Variants in SMAD5 observed in about 807,000 individuals in gnomAD.
SMAD5 encodes SMAD family member 5, also known as MAD, mothers against decapentaplegic homolog 5.
In SMAD5, 9 loss-of-function variants were observed where a neutral mutation model predicts 43.1. The observed-to-expected ratio is 0.21, with a 90% CI of 0.13 to 0.36. SMAD5 has a LOEUF of 0.36. SMAD5 is among the 10% of genes least tolerant of loss of function. The pLI is 1.00. For missense variants in SMAD5, 348 were observed against 574.0 expected (o/e 0.61, Z 4.02); for synonymous variants, 190 against 192.4 (o/e 0.99, Z 0.10).
chr5:136,145,073 G>A (rs1478611195), intron 1 of SMAD5, among the ~76,000 whole-genome samples: 1 of 151,696 alleles, frequency 6.6e-6, no homozygotes, highest in Non-Finnish European at 1.5e-5. Context: ...AGGACTTTGA[G>A]AGAGGACAAA....
chr5:136,170,281 C>G (rs995871703), intron 5 of SMAD5, among the ~76,000 whole-genome samples: 2 of 152,142 alleles, frequency 1.3e-5, no homozygotes, highest in Non-Finnish European at 2.9e-5. Flanking sequence ...AAGGTCTAGT[C>G]TAGATTTACT....
chr5:136,160,791 C>T, intron 3 of SMAD5, 65 bp from the exon 4 acceptor site: 1 of 1,541,796 alleles, frequency 6.5e-7, no homozygotes. Context: ...CTACCAACCC[C>T]TTAGTGTGGA....
At chr5:136,166,239 C>G (rs868543589) in intron 5 of SMAD5, among the ~76,000 whole-genome samples, 9 of 151,156 alleles carry the variant, frequency 6.0e-5, no homozygotes, top group Admixed American at 4.6e-4. Flanking sequence ...TTTAATGCCA[C>G]TTTGGTTTGA....
chr5:136,174,230 CAGA>C, intron 6 of SMAD5, 143 bp from the exon 7 acceptor site: 2 of 636,810 alleles, frequency 3.1e-6, no homozygotes, highest in African/African-American at 1.8e-5. Context: ...TCTTTGGCAG[CAGA>C]AGGCCATCTA....
Position 136,153,693 on chromosome 5 carries a change from C to G in SMAD5, c.-68C>G. The G allele has an allele frequency of 7.4e-7, 1 of 1,353,922 alleles. No homozygotes were observed. The highest frequency in any genetic ancestry group is 1.0e-6 in the Non-Finnish European group (1 of 978,204). The allele number at this position is 1,353,922 out of a possible 1,614,324, so 83.9% of individuals were successfully genotyped here. A position where few individuals can be genotyped will look rare whatever the true frequency, so the allele number is the denominator to read the frequency against. ...CTTAGGACCTGTGTATGACGTTTCA[C>G]CTGTGATCTGTTCTTTCGGTAGCCA... On this transcript the variant is annotated 5_prime_UTR_variant, in exon 3 of 8. Transcript: ENST00000545279.
chr5:136,158,857 C>T (rs528573998), intron 3 of SMAD5, among the ~76,000 whole-genome samples: 1 of 151,824 alleles, frequency 6.6e-6, no homozygotes, highest in South Asian at 2.1e-4. Flanking sequence ...CGAGATGGCG[C>T]CAGTGCACTC....
rs967582192 is a variant in SMAD5 at position 136,178,561 on chromosome 5, T to G, written c.*1081T>G. On this transcript the variant is annotated 3_prime_UTR_variant, in exon 8 of 8. Transcript: ENST00000545279. The stretch of plus-strand genomic sequence containing the variant: ...AACTTAAGGTGCCTTTTTAATTCCC[T>G]ACAGTTTTATGGGTGTTATCAGTGC... The G allele has an allele frequency of 2.6e-5, 4 of 152,234 alleles. No individual in the cohort carries two copies. The highest frequency in any genetic ancestry group is 9.6e-5 in the African/African-American group (4 of 41,460). The allele number at this position is 152,234 out of a possible 1,614,324, so 9.4% of individuals were successfully genotyped here. A position where few individuals can be genotyped will look rare whatever the true frequency, so the allele number is the denominator to read the frequency against.
intron 5 of SMAD5, among the ~76,000 whole-genome samples, chr5:136,165,662 ATTTTT>A (rs58156387): frequency 3.1e-5 from 2 of 65,448 alleles, no homozygotes; most frequent in Non-Finnish European, 6.0e-5. Flanking sequence ...GAATCATACA[ATTTTT>A]TTTTTTTTTT....
intron 3 of SMAD5, among the ~76,000 whole-genome samples, chr5:136,159,360 C>G (rs1311791520): frequency 6.6e-6 from 1 of 151,990 alleles, no homozygotes; most frequent in African/African-American, 2.4e-5. Flanking sequence ...AATTTGTTTT[C>G]TATAGAAACA....
At chr5:136,169,007 G>A (rs1472234751) in intron 5 of SMAD5, among the ~76,000 whole-genome samples, 1 of 152,100 alleles carries the variant, frequency 6.6e-6, no homozygotes, top group Non-Finnish European at 1.5e-5. Context: ...GTGATCACAA[G>A]GTAAAGTCCC....
Position 136,172,493 on chromosome 5 carries a change from T to C in SMAD5, c.835T>C (p.Leu279=). Residue 279 remains leucine, a synonymous_variant, in exon 6 of 8, where the codon TTA becomes CTA. Transcript: ENST00000545279. ...TTGGTGTTCAATAGTCTACTATGAA[T>C]TAAACAATCGTGTTGGAGAAGCTTT... ...KHWCSIVYYE[L]NNRVGEAFHA... The C allele has an allele frequency of 1.2e-6, 2 of 1,613,396 alleles. No individual in the cohort carries two copies. The highest frequency in any genetic ancestry group is 1.7e-4 in the Middle Eastern group (1 of 6,054).
chr5:136,147,193 G>A (rs1753288227), intron 1 of SMAD5, among the ~76,000 whole-genome samples: 1 of 151,646 alleles, frequency 6.6e-6, no homozygotes, highest in Non-Finnish European at 1.5e-5. Context: ...AAGCTTTGGA[G>A]TAAGATCACC....
intron 7 of SMAD5, among the ~76,000 whole-genome samples, chr5:136,175,715 T>C (rs1249344977): frequency 6.6e-6 from 1 of 152,210 alleles, no homozygotes; most frequent in Non-Finnish European, 1.5e-5. Context: ...TTCTTTTTGG[T>C]ATTCAGCCCC....
intron 3 of SMAD5, 91 bp downstream of exon 3, chr5:136,154,254 G>C: frequency 3.8e-6 from 3 of 782,740 alleles, no homozygotes; most frequent in Non-Finnish European, 5.6e-6. Context: ...TAATGAAAAG[G>C]TTGTATTAGC....
chr5:136,169,386 GCGA>G (rs1378501028), intron 5 of SMAD5, among the ~76,000 whole-genome samples: 2 of 152,008 alleles, frequency 1.3e-5, no homozygotes, highest in Non-Finnish European at 2.9e-5. Context: ...ATCTCCTTTG[GCGA>G]CACACCCACA....
At chr5:136,140,492 A>G (rs572609134) in intron 1 of SMAD5, among the ~76,000 whole-genome samples, 13 of 152,230 alleles carry the variant, frequency 8.5e-5, no homozygotes, top group Admixed American at 2.6e-4. Flanking sequence ...TAGCCAGTAT[A>G]TGCTCTTCAT....
intron 1 of SMAD5, among the ~76,000 whole-genome samples, chr5:136,139,473 A>G (rs1752999277): frequency 1.3e-5 from 2 of 152,032 alleles, no homozygotes; most frequent in African/African-American, 4.8e-5. Context: ...ATACCTTGGA[A>G]TCATTGTTAA....
chr5:136,160,616 G>A (rs576459154), intron 3 of SMAD5, among the ~76,000 whole-genome samples: 1 of 152,178 alleles, frequency 6.6e-6, no homozygotes, highest in Admixed American at 6.5e-5. Flanking sequence ...AACAGGAGTG[G>A]TATCTTTCTC....
chr5:136,156,514 A>G (rs908176245), intron 3 of SMAD5, among the ~76,000 whole-genome samples: 5 of 152,200 alleles, frequency 3.3e-5, no homozygotes, highest in South Asian at 4.1e-4. Flanking sequence ...TGAAAGTTCA[A>G]CTTAAGAGCT....
Sources: gnomAD v4.1 joint callset for allele counts (sites outside exome capture counted in the v4.1 genomes callset) on GRCh38, gnomAD v4.1.1 for gene constraint, MANE v1.5 for transcripts, NCBI Gene and HGNC (gene_info 2026-07-23, HGNC 2026-07-21) for gene names.